Variants in ADCY3 observed in about 807,000 individuals in gnomAD.
ADCY3 encodes adenylate cyclase 3, also known as adenylate cyclase type 3.
In ADCY3, 70 loss-of-function variants were observed where a neutral mutation model predicts 119.4. The observed-to-expected ratio is 0.59, with a 90% CI of 0.48 to 0.72. The LOEUF (loss-of-function observed/expected upper bound fraction) is 0.72. Ranked by LOEUF, ADCY3 falls within the 30% of genes least tolerant of loss-of-function variation. ADCY3 has a pLI of 0.00. For missense variants in ADCY3, 1,238 were observed against 1,541.6 expected (o/e 0.80, Z 3.30); for synonymous variants, 672 against 621.4 (o/e 1.08, Z -1.21).
rs190021122 is a variant in ADCY3 at position 24,858,903 on chromosome 2, G to A, written c.825+13667C>T. On this transcript the variant is annotated intron_variant, in intron 3 of 21. Transcript: ENST00000679454. ...ACCCACCACTGCTTTAGGACAACCT[G>A]TTTTCTATGGGTTCATCATCTGCAT... Among the ~76,000 whole-genome samples, 885 of 152,276 alleles carry A rather than the reference G, an allele frequency of 5.8e-3. 8 individuals are homozygous for A. Among genetic ancestry groups the A allele is most frequent in the Non-Finnish European group, 8.8e-3 (599 of 68,020 alleles).
intron 2 of ADCY3, among the ~76,000 whole-genome samples, chr2:24,912,999 C>T (rs751638724): frequency 6.6e-6 from 1 of 152,220 alleles, no homozygotes; most frequent in Non-Finnish European, 1.5e-5. Context: ...CTTCTACGCA[C>T]GTCATCATTG....
rs201400762 is a variant in ADCY3 at position 24,912,587 on chromosome 2, ATG to A, written c.675+5724_675+5725del. Among the ~76,000 whole-genome samples the A allele has an allele frequency of 3.0e-3, 115 of 38,474 alleles. 1 individual carries two copies. The highest frequency in any genetic ancestry group is 4.1e-3 in the Non-Finnish European group (86 of 21,234). The allele number at this position is 38,474 out of a possible 152,430, so 25.2% of individuals were successfully genotyped here. On this transcript the variant is annotated intron_variant, in intron 2 of 21. Coordinates refer to ENST00000679454, the MANE Select transcript of ADCY3 (RefSeq NM_004036.5). Reference sequence around the variant, plus strand: ...TGTGTGCATGTGTGTGTGTGTGTGCATGTGTGTGTGTGTGTGCATGTGTGTGT... The same window carrying A: ...TGTGTGCATGTGTGTGTGTGTGTGCATGTGTGTGTGTGTGCATGTGTGTGT...
chr2:24,838,347 G>C, intron 8 of ADCY3, 98 bp downstream of exon 8: 1 of 1,272,958 alleles, frequency 7.9e-7, no homozygotes, highest in Non-Finnish European at 1.1e-6. Flanking sequence ...GCTGGGTCCT[G>C]CCACCTCTTC....
At chr2:24,896,929 G>A (rs970575416) in intron 2 of ADCY3, among the ~76,000 whole-genome samples, 3 of 152,134 alleles carry the variant, frequency 2.0e-5, no homozygotes, top group Non-Finnish European at 4.4e-5. Flanking sequence ...ATGAACGATA[G>A]GGCTCACTCG....
chr2:24,890,824 C>T (rs2148931969), intron 2 of ADCY3, among the ~76,000 whole-genome samples: 2 of 152,072 alleles, frequency 1.3e-5, no homozygotes, highest in Middle Eastern at 6.8e-3. Flanking sequence ...CTACTTCAAT[C>T]TAAAGGTTTA....
At chr2:24,822,340 G>T in intron 19 of ADCY3, 171 bp downstream of exon 19, 1 of 939,800 alleles carries the variant, frequency 1.1e-6, no homozygotes, top group Non-Finnish European at 1.6e-6. Flanking sequence ...TTCTCTGCTT[G>T]CCGAACTTTC....
chr2:24,820,257 AGCC>A, intron 21 of ADCY3, 143 bp from the exon 22 acceptor site: 6 of 1,202,500 alleles, frequency 5.0e-6, no homozygotes, highest in Non-Finnish European at 6.6e-6. Context: ...CCCAGGGCCA[AGCC>A]CTTCCACCCG....
rs1678711325 is a variant in ADCY3 at position 24,899,870 on chromosome 2, G to A, written c.675+18443C>T. ...AGAAGGGGAGCAAGGGAAGGAAGGA[G>A]GACTTTCACTTTTATTCTTTGTACT... On this transcript the variant is annotated intron_variant, in intron 2 of 21. Transcript: ENST00000679454. The surrounding 1 kb of genome is among the most constrained non-coding windows in gnomAD (Gnocchi z 4.5). 6.6e-6 allele frequency among the ~76,000 whole-genome samples: 1 copy of A among 152,084 alleles called. No individual in the cohort carries two copies. Among genetic ancestry groups the A allele is most frequent in the South Asian group, 2.1e-4 (1 of 4,836 alleles).
intron 3 of ADCY3, among the ~76,000 whole-genome samples, chr2:24,859,997 C>T (rs553824764): frequency 1.2e-4 from 19 of 152,206 alleles, no homozygotes; most frequent in Non-Finnish European, 2.4e-4. Flanking sequence ...CAGTCCTCAC[C>T]TCCGAGGGAG....
In ADCY3 at chr2:24,824,395, AC is replaced by A; in HGVS notation, c.2718del (p.Ser907ProfsTer64). The A allele has an allele frequency of 6.2e-7, 1 of 1,614,016 alleles. No individual in the cohort carries two copies. The highest frequency in any genetic ancestry group is 8.5e-7 in the Non-Finnish European group (1 of 1,180,000). ...LPEHVARHFLGSKKRDEELYS... is the reference protein window; with the variant it reads ...LPEHVARHFLXSKKRDEELYS... ...CCCCTCACCTCATCTCTCTTCTTGG[AC>A]CCCAGGAAATGGCGTGCCACGTGCT... On this transcript the variant is annotated frameshift_variant, in exon 17 of 22. Transcript: ENST00000679454. LOFTEE classifies it high-confidence loss of function.
At chr2:24,865,831 C>T (rs2148764794) in intron 3 of ADCY3, among the ~76,000 whole-genome samples, 1 of 152,212 alleles carries the variant, frequency 6.6e-6, no homozygotes, top group Middle Eastern at 3.4e-3. Flanking sequence ...GGGCCAAGAT[C>T]TCAGGGGAAG....
chr2:24,820,217 C>G (rs1397928710), intron 21 of ADCY3, 103 bp from the exon 22 acceptor site: 1 of 1,246,102 alleles, frequency 8.0e-7, no homozygotes, highest in African/African-American at 1.5e-5. Context: ...ATCCATGGGT[C>G]CCAAGCAGTA....
Position 24,831,704 on chromosome 2 carries a change from G to A in ADCY3, c.2013C>T (p.Leu671=), listed in dbSNP as rs752779798. The A allele has an allele frequency of 6.2e-7, 1 of 1,614,060 alleles. No homozygotes were observed. The highest frequency in any genetic ancestry group is 1.1e-5 in the South Asian group (1 of 91,070). Residue 671 remains leucine, a synonymous_variant, in exon 12 of 22, where the codon CTC becomes CTT. Transcript: ENST00000679454. ...CCAGGGAGCAGATGGTCAGGATGAG[G>A]AGCAGAATCTCCCCCACCATGAAGG... ...YVTFMVGEIL[L]LILTICSLAA... is the part of the protein sequence containing the mutation.
chr2:24,872,811 G>C lies in ADCY3; in HGVS notation c.676-92C>G. The C allele has an allele frequency of 6.8e-7, 1 of 1,474,100 alleles. No individual in the cohort carries two copies. Among genetic ancestry groups the C allele is most frequent in the South Asian group, 1.3e-5 (1 of 77,734 alleles). 91.3% of individuals were successfully genotyped at this position (1,474,100 alleles called of 1,614,324 possible). On this transcript the variant is annotated intron_variant, in intron 2 of 21. Transcript: ENST00000679454. The surrounding 1 kb of genome is among the most constrained non-coding windows in gnomAD (Gnocchi z 4.4). ...GAAGGGGATGGAGGAGGTGGGGTGG[G>C]TGGTGACCAAAATCAAACCTCAAGT... is the stretch of plus-strand genomic sequence containing the variant.
intron 2 of ADCY3, chr2:24,877,936 T>G: frequency 2.1e-6 from 1 of 471,206 alleles, no homozygotes; most frequent in South Asian, 1.5e-5. Flanking sequence ...CCCATGAGGT[T>G]GAGAAGCCTG....
intron 2 of ADCY3, among the ~76,000 whole-genome samples, chr2:24,886,158 T>A (rs1240453740): frequency 6.6e-6 from 1 of 152,208 alleles, no homozygotes; most frequent in Non-Finnish European, 1.5e-5. Context: ...TCTGTCCCAG[T>A]CCCCACTGTG....
intron 7 of ADCY3, chr2:24,838,916 T>C: frequency 6.4e-7 from 1 of 1,552,664 alleles, no homozygotes; most frequent in Non-Finnish European, 8.8e-7. Context: ...TGATCCGCTG[T>C]AAAGCAGATC....
Position 24,919,095 on chromosome 2 carries a change from G to T in ADCY3, c.-108C>A. On this transcript the variant is annotated 5_prime_UTR_variant, in exon 2 of 22. Transcript: ENST00000679454. This position sits in a 1 kb window ranked among gnomAD's most constrained non-coding sequence, Gnocchi z 5.5. ...CTCTGAGACCGGGGGAGGGCTGAGG[G>T]CCTCTTCTTGTCTGGGGCGGAGGGG... 1.6e-6 allele frequency: 2 copies of T among 1,229,998 alleles called. No individual in the cohort carries two copies. The highest frequency in any genetic ancestry group is 2.2e-6 in the Non-Finnish European group (2 of 910,090). The allele number at this position is 1,229,998 out of a possible 1,614,324, so 76.2% of individuals were successfully genotyped here. A position where few individuals can be genotyped will look rare whatever the true frequency, so the allele number is the denominator to read the frequency against.
At chr2:24,903,810 G>C (rs1679174736) in intron 2 of ADCY3, among the ~76,000 whole-genome samples, 1 of 152,140 alleles carries the variant, frequency 6.6e-6, no homozygotes. Flanking sequence ...GCAACTCGAA[G>C]CCTCAGGTGT....
Sources: gnomAD v4.1 joint callset for allele counts (sites outside exome capture counted in the v4.1 genomes callset) on GRCh38, gnomAD v4.1.1 for gene constraint, Gnocchi (gnomAD v3.1) non-coding constraint, MANE v1.5 for transcripts, NCBI Gene and HGNC (gene_info 2026-07-23, HGNC 2026-07-21) for gene names.